Variants in LURAP1 observed in about 807,000 individuals in gnomAD.
LURAP1 encodes leucine rich adaptor protein 1.
A neutral mutation model predicts 19.0 loss-of-function variants in LURAP1; 14 were observed. The ratio of observed to expected loss-of-function variants is 0.74; its 90% CI spans 0.49 to 1.15. The LOEUF (loss-of-function observed/expected upper bound fraction) is 1.15, where lower values mean the gene tolerates loss of function less well. LURAP1 is among the 50% of genes most tolerant of loss of function. The pLI is 0.00. For missense variants in LURAP1, 273 were observed against 309.1 expected (o/e 0.88, Z 0.87); for synonymous variants, 129 against 131.8 (o/e 0.98, Z 0.14).
rs778528615 is a variant in LURAP1, at chr1:46,219,950, A to T, written c.450A>T (p.Thr150=). The part of the protein sequence containing the change: ...DSVSIGSFLD[T]VAPSELDEQG... Reference sequence around the variant, plus strand: ...TCTCTATTGGCAGCTTCCTGGACACAGTGGCCCCCAGCGAGCTGGATGAAC... The same window carrying T: ...TCTCTATTGGCAGCTTCCTGGACACTGTGGCCCCCAGCGAGCTGGATGAAC... Residue 150 remains threonine (T), a synonymous_variant, in exon 2 of 2, where the codon ACA becomes ACT. Transcript: ENST00000371980. 1 of 1,614,246 alleles carries T rather than the reference A, an allele frequency of 6.2e-7. No homozygotes were observed. The highest frequency in any genetic ancestry group is 8.5e-7 in the Non-Finnish European group (1 of 1,180,036).
At chr1:46,205,986 C>G (rs75299893) in intron 1 of LURAP1, among the ~76,000 whole-genome samples, 5,477 of 152,318 alleles carry the variant, frequency 0.036, 467 homozygotes, top group East Asian at 0.34. Context: ...AGTCCTGCCT[C>G]TAGGCCTCGT....
chr1:46,213,727 A>T (rs1351483038), intron 1 of LURAP1, among the ~76,000 whole-genome samples: 2 of 152,020 alleles, frequency 1.3e-5, no homozygotes, highest in Non-Finnish European at 2.9e-5. Context: ...CTCTACAAAA[A>T]CTTTAAAAAG....
chr1:46,215,693 G>GT (rs1659042577), intron 1 of LURAP1, among the ~76,000 whole-genome samples: 1 of 152,170 alleles, frequency 6.6e-6, no homozygotes, highest in Non-Finnish European at 1.5e-5. Flanking sequence ...GAGCTCAGGA[G>GT]TTTGAGACCA....
intron 1 of LURAP1, among the ~76,000 whole-genome samples, chr1:46,216,043 CTTTTTTTT>C (rs141982741): frequency 5.4e-4 from 50 of 92,546 alleles, no homozygotes; most frequent in African/African-American, 2.0e-3. Context: ...TTTATTTTAT[CTTTTTTTT>C]TTTTTTTTTT....
At chr1:46,209,575 C>A (rs528189067) in intron 1 of LURAP1, among the ~76,000 whole-genome samples, 2 of 132,650 alleles carry the variant, frequency 1.5e-5, no homozygotes, top group Admixed American at 8.5e-5. Flanking sequence ...GATGGAGTCT[C>A]GCTCTGTTGC....
intron 1 of LURAP1, among the ~76,000 whole-genome samples, chr1:46,219,447 GT>G (rs375739163): frequency 6.6e-6 from 1 of 152,330 alleles, no homozygotes; most frequent in East Asian, 1.9e-4. Flanking sequence ...CAGCTACCCT[GT>G]GAGGTAAGTG....
intron 1 of LURAP1, among the ~76,000 whole-genome samples, chr1:46,213,689 C>T (rs1658973953): frequency 6.6e-6 from 1 of 152,106 alleles, no homozygotes; most frequent in Non-Finnish European, 1.5e-5. Flanking sequence ...CACTGCACTC[C>T]AGCCTGGACA....
Position 46,213,217 on chromosome 1 carries a change from G to A in LURAP1, c.199-6482G>A, listed in dbSNP as rs72899004. On this transcript the variant is annotated intron_variant, in intron 1 of 1. Coordinates refer to ENST00000371980, the MANE Select transcript of LURAP1 (RefSeq NM_001013615.3). ...AAAACATACGATGTTTCGATGAACA[G>A]CATATACCATAGTGATTTCATAAGA... Among the ~76,000 whole-genome samples the A allele has an allele frequency of 8.2e-3, 1,245 of 151,418 alleles. 19 individuals carry two copies. Among genetic ancestry groups the A allele is most frequent in the Middle Eastern group, 0.038 (11 of 292 alleles).
chr1:46,213,641 G>A (rs1658972793), intron 1 of LURAP1, among the ~76,000 whole-genome samples: 1 of 152,062 alleles, frequency 6.6e-6, no homozygotes, highest in Admixed American at 6.6e-5. Context: ...AGGAGTTTGA[G>A]CCTGGGAGTT....
intron 1 of LURAP1, among the ~76,000 whole-genome samples, chr1:46,210,632 T>C (rs903259505): frequency 1.3e-5 from 2 of 152,156 alleles, no homozygotes; most frequent in East Asian, 1.9e-4. Context: ...ACTGGTTTAT[T>C]ATAAGGATAT....
At chr1:46,209,937 G>A (rs1201832775) in intron 1 of LURAP1, among the ~76,000 whole-genome samples, 1 of 152,162 alleles carries the variant, frequency 6.6e-6, no homozygotes, top group East Asian at 1.9e-4. Flanking sequence ...AATGTATTTA[G>A]TTTGGTCATG....
intron 1 of LURAP1, among the ~76,000 whole-genome samples, chr1:46,207,161 A>G (rs1415869060): frequency 6.6e-6 from 1 of 151,700 alleles, no homozygotes; most frequent in Non-Finnish European, 1.5e-5. Flanking sequence ...GTTCACTGCA[A>G]CCTCTGCCTT....
intron 1 of LURAP1, among the ~76,000 whole-genome samples, chr1:46,212,499 T>G (rs1162770705): frequency 5.3e-5 from 8 of 151,956 alleles, no homozygotes; most frequent in Admixed American, 5.2e-4. Context: ...GCCAGGATGG[T>G]CTTGATCTCC....
chr1:46,219,948 A>G lies in LURAP1; in HGVS notation c.448A>G (p.Thr150Ala), dbSNP rs138211510. The G allele has an allele frequency of 1.9e-6, 3 of 1,614,146 alleles. No individual in the cohort carries two copies. The highest frequency in any genetic ancestry group is 1.3e-5 in the African/African-American group (1 of 74,958). Residue 150 changes from threonine (T) to alanine (A), a missense_variant, in exon 2 of 2, where the codon ACA (threonine) becomes GCA (alanine). By Grantham distance (58) the Thr-to-Ala change is moderately conservative. Coordinates refer to ENST00000371980, the MANE Select transcript of LURAP1 (RefSeq NM_001013615.3). ...DSVSIGSFLD[T>A]VAPSELDEQG... is the part of the protein sequence containing the mutation. The stretch of plus-strand genomic sequence containing the variant: ...TGTCTCTATTGGCAGCTTCCTGGAC[A>G]CAGTGGCCCCCAGCGAGCTGGATGA...
chr1:46,207,952 C>G (rs1372248995), intron 1 of LURAP1, among the ~76,000 whole-genome samples: 1 of 152,094 alleles, frequency 6.6e-6, no homozygotes, highest in Non-Finnish European at 1.5e-5. Context: ...ACTGCAACCT[C>G]TGCCTCCCGG....
chr1:46,216,292 C>T (rs1032834605), intron 1 of LURAP1, among the ~76,000 whole-genome samples: 1 of 151,856 alleles, frequency 6.6e-6, no homozygotes. Flanking sequence ...GTGATCCACC[C>T]GCCTCGGCCT....
chr1:46,204,306 G>C (rs963410982), intron 1 of LURAP1, among the ~76,000 whole-genome samples: 1 of 152,126 alleles, frequency 6.6e-6, no homozygotes, highest in African/African-American at 2.4e-5. Context: ...GTACATTCTT[G>C]GGGAGAAGAG....
At chr1:46,213,995 G>A (rs980838193) in intron 1 of LURAP1, among the ~76,000 whole-genome samples, 2 of 152,208 alleles carry the variant, frequency 1.3e-5, no homozygotes, top group East Asian at 3.9e-4. Context: ...TGAAGGGTGA[G>A]CAGCAGTTAA....
rs2148256853 is a variant in LURAP1 at position 46,220,166 on chromosome 1, C to T, written c.666C>T (p.Gly222=). 1 of 1,614,026 alleles carries T rather than the reference C, an allele frequency of 6.2e-7. No individual in the cohort carries two copies. Among genetic ancestry groups the T allele is most frequent in the East Asian group, 2.2e-5 (1 of 44,886 alleles). ...ESPEDESAKL[G]FEAHWFWEQC... is the part of the protein sequence containing the mutation. ...CAGAGGATGAGAGTGCCAAGCTGGG[C>T]TTCGAGGCCCACTGGTTCTGGGAGC... is the stretch of plus-strand genomic sequence containing the variant. The change falls in exon 2 of 2, where the codon GGC becomes GGT. Residue 222 remains glycine (G), a synonymous_variant. Coordinates refer to ENST00000371980, the MANE Select transcript of LURAP1 (RefSeq NM_001013615.3).
Sources: gnomAD v4.1 joint callset for allele counts (sites outside exome capture counted in the v4.1 genomes callset) on GRCh38, gnomAD v4.1.1 for gene constraint, MANE v1.5 for transcripts, NCBI Gene and HGNC (gene_info 2026-07-23, HGNC 2026-07-21) for gene names.